Variants in CACNA2D3 observed in about 807,000 individuals in gnomAD.
The protein encoded by CACNA2D3 is voltage-dependent calcium channel subunit alpha-2/delta-3.
CACNA2D3 carries 60 observed loss-of-function variants against 160.6 expected under a neutral mutation model. That is an observed-to-expected ratio of 0.37 (90% CI 0.30 to 0.46). The LOEUF is 0.46. Ranked by LOEUF, CACNA2D3 falls within the 20% of genes least tolerant of loss-of-function variation. CACNA2D3 has a pLI of 1.00. For missense variants in CACNA2D3, 1,205 were observed against 1,365.0 expected, an observed-to-expected ratio of 0.88 and a Z score of 1.85; for synonymous variants, 558 against 492.9, an observed-to-expected ratio of 1.13 and a Z score of -1.75.
intron 3 of CACNA2D3, among the ~76,000 whole-genome samples, chr3:54,361,548 C>T (rs937059233): frequency 6.6e-6 from 1 of 152,230 alleles, no homozygotes; most frequent in Non-Finnish European, 1.5e-5. Flanking sequence ...CAATCAGCGA[C>T]ATCCCATGAT....
rs193199691 is a variant in CACNA2D3 at position 54,180,965 on chromosome 3, G to C, written c.204+57371G>C. On this transcript the variant is annotated intron_variant, in intron 2 of 37. Transcript: ENST00000474759. ...ACCTTCAGTAGATATCTCTGAGCTG[G>C]TAGACCATCTGGTTGCCCTTGTCAT... Among the ~76,000 whole-genome samples the C allele has an allele frequency of 3.7e-4, 57 of 152,256 alleles. 1 individual carries two copies. In the South Asian group the frequency reaches 8.1e-3, roughly 22 times the overall value.
intron 13 of CACNA2D3, among the ~76,000 whole-genome samples, chr3:54,783,474 C>T (rs995444847): frequency 3.3e-5 from 5 of 152,110 alleles, no homozygotes; most frequent in African/African-American, 9.6e-5. Context: ...GGCATGGTGC[C>T]GTGTGCCTGT....
intron 11 of CACNA2D3, among the ~76,000 whole-genome samples, chr3:54,712,399 A>G (rs1376475969): frequency 1.3e-5 from 2 of 152,082 alleles, no homozygotes; most frequent in Admixed American, 6.5e-5. Flanking sequence ...CACAATTCCT[A>G]TGCGTTGTGG....
At chr3:54,161,031 G>A (rs2107296871) in intron 2 of CACNA2D3, among the ~76,000 whole-genome samples, 1 of 152,290 alleles carries the variant, frequency 6.6e-6, no homozygotes, top group East Asian at 1.9e-4. Flanking sequence ...CCATTGAAAG[G>A]GGAGCCTGTG....
At chr3:54,436,753 G>A (rs1700065874) in intron 4 of CACNA2D3, among the ~76,000 whole-genome samples, 1 of 152,128 alleles carries the variant, frequency 6.6e-6, no homozygotes, top group Non-Finnish European at 1.5e-5. Context: ...CACAGGGAGG[G>A]CAACATCACA....
intron 29 of CACNA2D3, among the ~76,000 whole-genome samples, chr3:54,974,846 G>C (rs1266070082): frequency 6.6e-6 from 1 of 152,092 alleles, no homozygotes; most frequent in Non-Finnish European, 1.5e-5. Flanking sequence ...CTTGGGGCAG[G>C]GTGACAGATA....
At chr3:54,428,015 A>C (rs1699933881) in intron 4 of CACNA2D3, among the ~76,000 whole-genome samples, 1 of 152,226 alleles carries the variant, frequency 6.6e-6, no homozygotes, top group Non-Finnish European at 1.5e-5. Context: ...ACTGTATCAA[A>C]CCCAAAACAT....
intron 27 of CACNA2D3, among the ~76,000 whole-genome samples, chr3:54,913,775 G>T (rs571199122): frequency 1.6e-4 from 24 of 152,282 alleles, no homozygotes; most frequent in African/African-American, 5.8e-4. Context: ...GCCTTGGGAA[G>T]AGTTGCATCC....
chr3:55,027,182 G>A (rs1386786842), intron 35 of CACNA2D3, among the ~76,000 whole-genome samples: 1 of 152,108 alleles, frequency 6.6e-6, no homozygotes, highest in Non-Finnish European at 1.5e-5. Flanking sequence ...ATAGAATTAC[G>A]ATTTAATGTT....
intron 4 of CACNA2D3, among the ~76,000 whole-genome samples, chr3:54,434,389 G>A (rs1176117355): frequency 6.6e-6 from 1 of 152,186 alleles, no homozygotes; most frequent in Non-Finnish European, 1.5e-5. Flanking sequence ...AGACTAAATG[G>A]GATGTTGTAA....
chr3:54,430,072 G>A (rs1162032917), intron 4 of CACNA2D3, among the ~76,000 whole-genome samples: 3 of 152,162 alleles, frequency 2.0e-5, no homozygotes, highest in African/African-American at 7.2e-5. Context: ...CACTTTCTGA[G>A]TTCCACCATA....
chr3:54,476,250 G>A lies in CACNA2D3; in HGVS notation c.382-27242G>A, dbSNP rs192635956. On this transcript the variant is annotated intron_variant, in intron 4 of 37. Coordinates refer to ENST00000474759, the MANE Select transcript of CACNA2D3 (RefSeq NM_018398.3). ...TTATATTAATATATAATATTCCTGCGTGTGTGTGTGTATATATATATATCA... is the reference window on the plus strand; with the variant it reads ...TTATATTAATATATAATATTCCTGCATGTGTGTGTGTATATATATATATCA... Among the ~76,000 whole-genome samples, 42 of 147,636 alleles carry A rather than the reference G, an allele frequency of 2.8e-4. 1 individual carries two copies. In the East Asian group the frequency reaches 6.1e-3, roughly 21 times the overall value.
intron 4 of CACNA2D3, among the ~76,000 whole-genome samples, chr3:54,466,597 T>G (rs1398682523): frequency 6.6e-6 from 1 of 152,132 alleles, no homozygotes; most frequent in African/African-American, 2.4e-5. Flanking sequence ...TTCAGGGGCC[T>G]GGGCAACAAA....
chr3:54,536,255 G>T (rs1361993867), intron 5 of CACNA2D3, among the ~76,000 whole-genome samples: 1 of 152,164 alleles, frequency 6.6e-6, no homozygotes, highest in Non-Finnish European at 1.5e-5. Flanking sequence ...AAATAGACTG[G>T]CATTTATCAG....
chr3:54,563,052 AT>A, intron 6 of CACNA2D3, 121 bp downstream of exon 6: 1 of 931,798 alleles, frequency 1.1e-6, no homozygotes, highest in Non-Finnish European at 1.6e-6. Context: ...TGAAAGATGA[AT>A]TCCAAACCTA....
chr3:54,539,265 A>G (rs1326568874), intron 5 of CACNA2D3, among the ~76,000 whole-genome samples: 2 of 152,244 alleles, frequency 1.3e-5, no homozygotes, highest in African/African-American at 2.4e-5. Context: ...GAGCCACAGC[A>G]TGAAAGTGTT....
intron 17 of CACNA2D3, among the ~76,000 whole-genome samples, chr3:54,851,914 G>C (rs1250171644): frequency 1.3e-5 from 2 of 152,166 alleles, no homozygotes; most frequent in African/African-American, 4.8e-5. Context: ...CCACATTGCA[G>C]GTGCTCAAGA....
intron 11 of CACNA2D3, among the ~76,000 whole-genome samples, chr3:54,747,397 A>G (rs1179463481): frequency 6.6e-6 from 1 of 151,888 alleles, no homozygotes; most frequent in Non-Finnish European, 1.5e-5. Flanking sequence ...CTCTGTTTCT[A>G]CCCTTACTCT....
At position 54,985,287 on chromosome 3, in the gene CACNA2D3, G is replaced by T. The variant is rs375667179; in HGVS notation, c.2619+617G>T. On this transcript the variant is annotated intron_variant, in intron 30 of 37. Coordinates refer to ENST00000474759, the MANE Select transcript of CACNA2D3 (RefSeq NM_018398.3). ...TGAAAAGAAACCAAGCTGTGGACTT[G>T]AGCACAGAAATCTCCACTCTGCCTG... Among the ~76,000 whole-genome samples, 37 of 152,264 alleles carry T rather than the reference G, an allele frequency of 2.4e-4. No individual in the cohort carries two copies. The East Asian group carries it at 5.2e-3, about 21-fold the overall frequency.
Sources: allele counts gnomAD v4.1 joint callset (sites outside exome capture counted in the v4.1 genomes callset), GRCh38; gene constraint gnomAD v4.1.1; transcripts MANE v1.5; gene names NCBI Gene and HGNC (gene_info 2026-07-23, HGNC 2026-07-21).